PRKG1: variants seen among roughly 807,000 people sequenced by gnomAD.
PRKG1 encodes the protein protein kinase cGMP-dependent 1.
A neutral mutation model predicts 88.1 loss-of-function variants in PRKG1; 35 were observed. That is an observed-to-expected ratio of 0.40 (90% CI 0.30 to 0.53). PRKG1 has a LOEUF of 0.53. Among genes scored for constraint, PRKG1 ranks in the 20% least tolerant of loss-of-function variants. The probability of loss-of-function intolerance (pLI) is 0.59; values close to 1 mark genes in which losing one functional copy is unlikely to be tolerated. For synonymous variants in PRKG1, 303 were observed against 292.5 expected (o/e 1.04, Z -0.37); for missense variants, 540 against 839.8 (o/e 0.64, Z 4.41).
At chr10:52,111,755 G>T (rs1436799223) in intron 7 of PRKG1, among the ~76,000 whole-genome samples, 1 of 152,136 alleles carries the variant, frequency 6.6e-6, no homozygotes, top group Admixed American at 6.6e-5. Flanking sequence ...TTGTTGGTAG[G>T]ACATTCTACT....
At chr10:51,710,835 T>TG (rs200525780) in intron 3 of PRKG1, among the ~76,000 whole-genome samples, 69 of 151,620 alleles carry the variant, frequency 4.6e-4, no homozygotes, top group African/African-American at 1.4e-3. Context: ...CGTCCTGTTT[T>TG]GGGGGGGGCG....
intron 2 of PRKG1, among the ~76,000 whole-genome samples, chr10:51,416,810 A>C (rs1293679026): frequency 1.3e-5 from 2 of 152,160 alleles, no homozygotes; most frequent in Non-Finnish European, 2.9e-5. Context: ...AGAAGGTCAG[A>C]ACTCCTCAGA....
intron 5 of PRKG1, among the ~76,000 whole-genome samples, chr10:52,008,389 A>G (rs1301626760): frequency 6.6e-6 from 1 of 152,126 alleles, no homozygotes; most frequent in Non-Finnish European, 1.5e-5. Flanking sequence ...AGACTAATAA[A>G]GAGAAGAAGA....
chr10:51,783,280 A>G (rs1485873293), intron 3 of PRKG1, among the ~76,000 whole-genome samples: 2 of 151,912 alleles, frequency 1.3e-5, no homozygotes, highest in African/African-American at 2.4e-5. Context: ...CTTTTTAAAA[A>G]TATTTATTTA....
At chr10:51,455,453 G>A (rs979580263) in intron 2 of PRKG1, among the ~76,000 whole-genome samples, 3 of 152,102 alleles carry the variant, frequency 2.0e-5, no homozygotes, top group South Asian at 2.1e-4. Context: ...CTTTCCTATC[G>A]CATAGTCAGG....
At chr10:52,039,057 G>A (rs995377876) in intron 5 of PRKG1, among the ~76,000 whole-genome samples, 1 of 152,166 alleles carries the variant, frequency 6.6e-6, no homozygotes, top group African/African-American at 2.4e-5. Context: ...AGAACAGGAG[G>A]ACAGGGGATT....
At chr10:52,012,963 A>C (rs1234454374) in intron 5 of PRKG1, among the ~76,000 whole-genome samples, 1 of 152,212 alleles carries the variant, frequency 6.6e-6, no homozygotes, top group Non-Finnish European at 1.5e-5. Flanking sequence ...GTTCAGAAAA[A>C]ATAAATTCTC....
At chr10:52,232,084 C>G (rs373323569) in intron 9 of PRKG1, among the ~76,000 whole-genome samples, 2 of 152,086 alleles carry the variant, frequency 1.3e-5, no homozygotes, top group African/African-American at 4.8e-5. Context: ...TGGCGGATCA[C>G]CTGAGGTTGG....
chr10:52,022,487 T>A (rs1222520943), intron 5 of PRKG1, among the ~76,000 whole-genome samples: 1 of 152,224 alleles, frequency 6.6e-6, no homozygotes, highest in African/African-American at 2.4e-5. Flanking sequence ...ACAATTGTTA[T>A]ATGACAAATC....
intron 5 of PRKG1, among the ~76,000 whole-genome samples, chr10:52,035,919 G>A (rs554782649): frequency 3.3e-5 from 5 of 152,276 alleles, no homozygotes; most frequent in South Asian, 2.1e-4. Flanking sequence ...TACAGGGTGC[G>A]GTCCTGGCTC....
intron 4 of PRKG1, among the ~76,000 whole-genome samples, chr10:51,852,398 AAC>A (rs2132810115): frequency 6.6e-6 from 1 of 151,514 alleles, no homozygotes; most frequent in South Asian, 2.1e-4. Flanking sequence ...AGAGAGAGGA[AAC>A]AGAGGTAGAG....
intron 9 of PRKG1, 63 bp downstream of exon 9, chr10:52,162,026 A>G: frequency 8.3e-6 from 12 of 1,446,322 alleles, no homozygotes; most frequent in Non-Finnish European, 1.2e-5. Context: ...AAGATCAAAT[A>G]TTTTGTTGGA....
intron 3 of PRKG1, among the ~76,000 whole-genome samples, chr10:51,654,364 G>A (rs1174000136): frequency 2.0e-5 from 3 of 152,010 alleles, no homozygotes; most frequent in Non-Finnish European, 4.4e-5. Context: ...CTGAGCTCTC[G>A]ATTCTATTCC....
intron 3 of PRKG1, among the ~76,000 whole-genome samples, chr10:51,542,465 A>G (rs143316830): frequency 9.7e-4 from 147 of 152,256 alleles, no homozygotes; most frequent in Admixed American, 2.7e-3. Context: ...ATGCTGGGGT[A>G]TATCTCCTGT....
intron 3 of PRKG1, among the ~76,000 whole-genome samples, chr10:51,514,655 C>T (rs576388344): frequency 7.9e-5 from 12 of 152,118 alleles, no homozygotes; most frequent in African/African-American, 2.7e-4. Context: ...GCCACAGCTG[C>T]GAGGCATGTA....
At chr10:51,296,624 C>G (rs1035635543) in intron 2 of PRKG1, among the ~76,000 whole-genome samples, 1 of 151,902 alleles carries the variant, frequency 6.6e-6, no homozygotes, top group Non-Finnish European at 1.5e-5. Context: ...TTCAAAAAAT[C>G]AACTCTTGTT....
intron 3 of PRKG1, among the ~76,000 whole-genome samples, chr10:51,476,850 T>G (rs10997722): frequency 0.18 from 27,483 of 151,948 alleles, 2,783 homozygotes; most frequent in Non-Finnish European, 0.23. Flanking sequence ...TCTAGTTGAA[T>G]CCAGGGTTAC....
At chr10:51,651,940 G>C (rs1185296274) in intron 3 of PRKG1, among the ~76,000 whole-genome samples, 1 of 152,078 alleles carries the variant, frequency 6.6e-6, no homozygotes, top group Non-Finnish European at 1.5e-5. Context: ...CAACAACTTT[G>C]TGTCCTGTAA....
chr10:51,589,581 C>A (rs770015376), intron 3 of PRKG1, among the ~76,000 whole-genome samples: 1 of 152,122 alleles, frequency 6.6e-6, no homozygotes, highest in Admixed American at 6.5e-5. Flanking sequence ...CCAGATCGTG[C>A]CACTGCACTC....
Sources: gnomAD v4.1 joint callset for allele counts (sites outside exome capture counted in the v4.1 genomes callset) on GRCh38, gnomAD v4.1.1 for gene constraint, MANE v1.5 for transcripts, NCBI Gene and HGNC (gene_info 2026-07-23, HGNC 2026-07-21) for gene names.